Variants in PRDM11 observed in about 807,000 individuals in gnomAD.
The protein encoded by PRDM11 is PR domain-containing protein 11.
PRDM11 carries 20 observed loss-of-function variants against 97.8 expected under a neutral mutation model. That is an observed-to-expected ratio of 0.20 (90% CI 0.14 to 0.30). PRDM11 has a LOEUF of 0.30. Ranked by LOEUF, PRDM11 falls within the 10% of genes least tolerant of loss-of-function variation. PRDM11 has a pLI of 1.00. For synonymous variants in PRDM11, 599 were observed against 637.7 expected (o/e 0.94, Z 0.91); for missense variants, 1,139 against 1,555.2 (o/e 0.73, Z 4.50).
Position 45,227,067 on chromosome 11 carries a change from G to A in PRDM11, c.2442G>A (p.Glu814=). Residue 814 remains glutamate, a synonymous_variant, in exon 8 of 8, where the codon GAG becomes GAA. Transcript: ENST00000683152. The surrounding 1 kb of genome is among the most constrained non-coding windows in gnomAD (Gnocchi z 8.0). ...GGTCCACGGCGGCCACCCTTTGTGA[G>A]GAGACAGAGTTCCTGGGCGATATCC... ...ELRSTAATLC[E]ETEFLGDIRA... is the part of the protein sequence containing the mutation. 6.5e-7 allele frequency: 1 copy of A among 1,533,972 alleles called. No individual in the cohort carries two copies. Among genetic ancestry groups the A allele is most frequent in the Non-Finnish European group, 8.7e-7 (1 of 1,146,740 alleles).
rs556695155 is a variant in PRDM11, at chr11:45,158,633, C to G, written c.-7+11756C>G. Among the ~76,000 whole-genome samples, 34 of 152,342 alleles carry G rather than the reference C, an allele frequency of 2.2e-4. No individual in the cohort carries two copies. In the South Asian group the frequency reaches 6.6e-3, roughly 30 times the overall value. On this transcript the variant is annotated intron_variant, in intron 1 of 7. Transcript: ENST00000683152. ...TGTACCCGACTTGGTTGGTCCCACA[C>G]TGAACTCATGACTTGCCATAGAGCG...
chr11:45,193,291 G>C (rs536222211), intron 4 of PRDM11, among the ~76,000 whole-genome samples: 2 of 152,264 alleles, frequency 1.3e-5, no homozygotes, highest in South Asian at 4.2e-4. Flanking sequence ...TGCTTTGCCG[G>C]AGTGCAACAT....
At position 45,204,730 on chromosome 11, in the gene PRDM11, G is replaced by T. The variant is rs146713608; in HGVS notation, c.506G>T (p.Arg169Leu). The T allele has an allele frequency of 1.2e-6, 2 of 1,612,660 alleles. No homozygotes were observed. Among genetic ancestry groups the T allele is most frequent in the East Asian group, 4.5e-5 (2 of 44,860 alleles). ...TTCCAGATTGTGGACAAGAACAACC[G>T]CTATAAGTCCATAGATGGCTCAGAC... ...FSWLIVDKNN[R>L]YKSIDGSDET... Residue 169 changes from arginine to leucine, a missense_variant, in exon 5 of 8, where the codon CGC (arginine) becomes CTC (leucine). Physicochemically the swap from Arg to Leu is moderately radical, Grantham distance 102. This residue lies in a region of PRDM11 where 429 missense variants were observed against 510.3 expected (regional missense o/e 0.84). Transcript: ENST00000683152.
At chr11:45,162,974 G>A (rs1348840494) in intron 1 of PRDM11, among the ~76,000 whole-genome samples, 1 of 152,242 alleles carries the variant, frequency 6.6e-6, no homozygotes. Flanking sequence ...GGTGATATTT[G>A]GAAGTGCTGA....
In PRDM11 at chr11:45,165,650, C is replaced by T. The variant is rs190466550; in HGVS notation, c.-6-16111C>T. On this transcript the variant is annotated intron_variant, in intron 1 of 7. Coordinates refer to ENST00000683152, the MANE Select transcript of PRDM11 (RefSeq NM_001384648.1). Reference sequence around the variant, plus strand: ...GGGATCGTTGCCATGTGGGACTGCCCGCGTGGTGTTGCCAGCCCTTCGGAT... The same window carrying T: ...GGGATCGTTGCCATGTGGGACTGCCTGCGTGGTGTTGCCAGCCCTTCGGAT... Among the ~76,000 whole-genome samples, 398 of 152,350 alleles carry T rather than the reference C, an allele frequency of 2.6e-3. 2 individuals are homozygous for T. Among genetic ancestry groups the T allele is most frequent in the South Asian group, 0.017 (80 of 4,830 alleles).
intron 1 of PRDM11, among the ~76,000 whole-genome samples, chr11:45,115,244 G>C (rs1212325712): frequency 6.6e-6 from 1 of 151,854 alleles, no homozygotes; most frequent in Non-Finnish European, 1.5e-5. Context: ...TCTATGATAA[G>C]GTAAGGACTC....
intron 1 of PRDM11, among the ~76,000 whole-genome samples, chr11:45,117,615 C>T (rs1211595779): frequency 5.3e-5 from 8 of 152,042 alleles, no homozygotes; most frequent in Admixed American, 3.9e-4. Flanking sequence ...GGTGTGGTGG[C>T]GTGCACCTGT....
Position 45,219,767 on chromosome 11 carries a change from A to G in PRDM11, c.742+10A>G, listed in dbSNP as rs937388692. On this transcript the variant is annotated intron_variant, in intron 6 of 7. Transcript: ENST00000683152. The surrounding 1 kb of genome is among the most constrained non-coding windows in gnomAD (Gnocchi z 4.2). The stretch of plus-strand genomic sequence containing the variant: ...CGCAACCTGGCCAGAGGTGAGTGCC[A>G]TGCTCCACATGAGCTGCGCCCACCT... 15 of 1,610,348 alleles carry G rather than the reference A, an allele frequency of 9.3e-6. No individual in the cohort carries two copies. The highest frequency in any genetic ancestry group is 1.2e-5 in the Non-Finnish European group (14 of 1,177,880).
intron 1 of PRDM11, among the ~76,000 whole-genome samples, chr11:45,101,466 T>A (rs577227690): frequency 6.6e-6 from 1 of 151,118 alleles, no homozygotes; most frequent in Non-Finnish European, 1.5e-5. Context: ...TGAGGCAGGA[T>A]AATTGCTTGA....
At chr11:45,143,282 T>C (rs1460064875), upstream of PRDM11, among the ~76,000 whole-genome samples, 2 of 152,182 alleles carry the variant, frequency 1.3e-5, no homozygotes, top group African/African-American at 4.8e-5. Flanking sequence ...CCAGGGGGCA[T>C]TTACCTTGGA....
intron 1 of PRDM11, among the ~76,000 whole-genome samples, chr11:45,177,510 G>A (rs1852358044): frequency 6.6e-6 from 1 of 152,194 alleles, no homozygotes; most frequent in African/African-American, 2.4e-5. Flanking sequence ...TCTCTCCCCA[G>A]TGGAAGTTCA....
intron 1 of PRDM11, among the ~76,000 whole-genome samples, chr11:45,112,706 T>C (rs1325126091): frequency 6.6e-6 from 1 of 152,218 alleles, no homozygotes; most frequent in African/African-American, 2.4e-5. Context: ...TGAGCATTTT[T>C]TCGTATGTTT....
Position 45,227,054 on chromosome 11 carries a change from C to T in PRDM11, c.2429C>T (p.Ala810Val), listed in dbSNP as rs1437428527. 1 of 1,533,848 alleles carries T rather than the reference C, an allele frequency of 6.5e-7. No individual in the cohort carries two copies. Among genetic ancestry groups the T allele is most frequent in the African/African-American group, 1.4e-5 (1 of 72,980 alleles). Residue 810 changes from alanine to valine, a missense_variant, in exon 8 of 8, where the codon GCC (alanine) becomes GTC (valine). Ala to Val is a moderately conservative substitution (Grantham distance 64, BLOSUM62 0). Transcript: ENST00000683152. The surrounding 1 kb of genome is among the most constrained non-coding windows in gnomAD (Gnocchi z 8.0). ...ATGTGCGAGCTGCGGTCCACGGCGG[C>T]CACCCTTTGTGAGGAGACAGAGTTC... The part of the protein sequence containing the change: ...RLMCELRSTA[A>V]TLCEETEFLG...
Position 45,226,893 on chromosome 11 carries a change from G to A in PRDM11, c.2268G>A (p.Leu756=), listed in dbSNP as rs1386744815. The change falls in exon 8 of 8, where the codon CTG becomes CTA. Residue 756 remains leucine, a synonymous_variant. Coordinates refer to ENST00000683152, the MANE Select transcript of PRDM11 (RefSeq NM_001384648.1). ...MTIRKTLPWL[L]CLPFMVHRPH... ...TCCGCAAGACGCTGCCCTGGCTGCT[G>A]TGCCTGCCCTTCATGGTGCACCGGC... 1 of 1,533,964 alleles carries A rather than the reference G, an allele frequency of 6.5e-7. No homozygotes were observed. The highest frequency in any genetic ancestry group is 2.4e-5 in the East Asian group (1 of 40,906).
chr11:45,225,137 G>A (rs932681596), intron 7 of PRDM11: 1 of 1,396,868 alleles, frequency 7.2e-7, no homozygotes, highest in African/African-American at 1.4e-5. Flanking sequence ...TCTGGTACTG[G>A]TGTCTTACCC....
chr11:45,213,931 C>T (rs1429983396), intron 5 of PRDM11: 5 of 353,504 alleles, frequency 1.4e-5, no homozygotes, highest in South Asian at 1.1e-4. Context: ...CTTGCCAGGC[C>T]TCTGCCCCCT....
chr11:45,210,112 G>A (rs369920369), intron 5 of PRDM11, among the ~76,000 whole-genome samples: 1 of 152,164 alleles, frequency 6.6e-6, no homozygotes, highest in Non-Finnish European at 1.5e-5. Context: ...GCCCGGGCCG[G>A]GCCATGGAAA....
intron 1 of PRDM11, among the ~76,000 whole-genome samples, chr11:45,167,164 G>T (rs1218157551): frequency 6.6e-6 from 1 of 152,188 alleles, no homozygotes; most frequent in Non-Finnish European, 1.5e-5. Flanking sequence ...CACAAAGTAG[G>T]TGCTCAAGAA....
At chr11:45,174,789 C>A (rs1043787201) in intron 1 of PRDM11, among the ~76,000 whole-genome samples, 10 of 152,176 alleles carry the variant, frequency 6.6e-5, no homozygotes, top group Non-Finnish European at 1.3e-4. Context: ...AACAGAAATA[C>A]ACAACCCTCC....
Sources: allele counts gnomAD v4.1 joint callset (sites outside exome capture counted in the v4.1 genomes callset), GRCh38; gene constraint gnomAD v4.1.1; regional missense constraint gnomAD v4.1.1; non-coding constraint Gnocchi (gnomAD v3.1); transcripts MANE v1.5; gene names NCBI Gene and HGNC (gene_info 2026-07-23, HGNC 2026-07-21).